Variants in RPL35 observed in about 807,000 individuals in gnomAD.
The protein encoded by RPL35 is large ribosomal subunit protein uL29.
A neutral mutation model predicts 15.6 loss-of-function variants in RPL35; 2 were observed. That is an observed-to-expected ratio of 0.13 (90% CI 0.05 to 0.40). The LOEUF is 0.40. Ranked by LOEUF, RPL35 falls within the 10% of genes least tolerant of loss-of-function variation. The probability of loss-of-function intolerance (pLI) is 0.99; values close to 1 mark genes in which losing one functional copy is unlikely to be tolerated. For missense variants in RPL35, 111 were observed against 164.7 expected, an observed-to-expected ratio of 0.67 and a Z score of 1.79; for synonymous variants, 93 against 67.9, an observed-to-expected ratio of 1.37 and a Z score of -1.82.
intron 3 of RPL35, among the ~76,000 whole-genome samples, chr9:124,859,205 C>T (rs1179728102): frequency 6.6e-6 from 1 of 152,234 alleles, no homozygotes; most frequent in Non-Finnish European, 1.5e-5. Context: ...TGAGGCCTCA[C>T]TATGTTGCCC....
chr9:124,860,331 A>G, intron 2 of RPL35, 67 bp from the exon 3 acceptor site: 1 of 1,308,576 alleles, frequency 7.6e-7, no homozygotes, highest in Non-Finnish European at 1.1e-6. Context: ...CAGGACTCAC[A>G]CATAGGGCAG....
rs752045826 is a variant in RPL35 at position 124,861,957 on chromosome 9, G to A, written c.-45C>T. 58 of 1,587,978 alleles carry A rather than the reference G, an allele frequency of 3.7e-5. No individual in the cohort carries two copies. The highest frequency in any genetic ancestry group is 4.6e-5 in the Non-Finnish European group (54 of 1,168,244). On this transcript the variant is annotated 5_prime_UTR_variant, in exon 1 of 4. Coordinates refer to ENST00000348462, the MANE Select transcript of RPL35 (RefSeq NM_007209.4). ...GCCGCCGCCCGCTCCGAGGGAAAGAGGAAGTAGGCGGGGCTGACCTCCGCA... is the reference window on the plus strand; with the variant it reads ...GCCGCCGCCCGCTCCGAGGGAAAGAAGAAGTAGGCGGGGCTGACCTCCGCA...
chr9:124,858,709 G>C (rs1052316163), intron 3 of RPL35, among the ~76,000 whole-genome samples: 3 of 152,240 alleles, frequency 2.0e-5, no homozygotes, highest in African/African-American at 7.2e-5. Flanking sequence ...GACCATGGCA[G>C]CTCTCACTGG....
chr9:124,860,588 A>G (rs1829181856), intron 2 of RPL35, among the ~76,000 whole-genome samples: 1 of 152,252 alleles, frequency 6.6e-6, no homozygotes, highest in South Asian at 2.1e-4. Context: ...TCATGCCACA[A>G]ACCAGGCAAT....
rs376530777 is a variant in RPL35 at position 124,860,119 on chromosome 9, C to T, written c.222+64G>A. On this transcript the variant is annotated intron_variant, in intron 3 of 3. Coordinates refer to ENST00000348462, the MANE Select transcript of RPL35 (RefSeq NM_007209.4). ...AAGAAAAACCTCTTTACCATGTCCC[C>T]GGCCAGGGACGGCTAGCACTTGGCT... 599 of 1,223,966 alleles carry T rather than the reference C, an allele frequency of 4.9e-4. 6 individuals carry two copies. In the African/African-American group the frequency reaches 5.4e-3, roughly 11 times the overall value. 75.8% of individuals were successfully genotyped at this position (1,223,966 alleles called of 1,614,324 possible).
chr9:124,861,824 T>C (rs1196175816), intron 1 of RPL35, 86 bp downstream of exon 1: 3 of 1,541,364 alleles, frequency 1.9e-6, no homozygotes, highest in East Asian at 2.4e-5. Context: ...AGGTGGCAGA[T>C]AGAATCCGCG....
rs958208758 is a variant in RPL35, at chr9:124,861,439, C to T, written c.120G>A (p.Ala40=). The change falls in exon 2 of 4, where the codon GCG becomes GCA. Residue 40 remains alanine, a synonymous_variant. Transcript: ENST00000348462. ...QLRVAKVTGG[A]ASKLSKIRVV... The stretch of plus-strand genomic sequence containing the variant: ...CTTACATCTTAGAGAGCTTGGAGGC[C>T]GCACCGCCTGTCACTTTGGCGACGC... 7 of 1,613,288 alleles carry T rather than the reference C, an allele frequency of 4.3e-6. No homozygotes were observed. In the South Asian group the frequency reaches 5.5e-5, roughly 13 times the overall value.
rs549088014 is a variant in RPL35, at chr9:124,858,966, T to C, written c.223-899A>G. On this transcript the variant is annotated intron_variant, in intron 3 of 3. Coordinates refer to ENST00000348462, the MANE Select transcript of RPL35 (RefSeq NM_007209.4). ...AATGAGGGCCAGCCCTGGAGGGTACTTGGAAGCAGGAAAGTCTTTGTCCTC... is the reference window on the plus strand; with the variant it reads ...AATGAGGGCCAGCCCTGGAGGGTACCTGGAAGCAGGAAAGTCTTTGTCCTC... 4.2e-4 allele frequency among the ~76,000 whole-genome samples: 64 copies of C among 152,314 alleles called. 1 individual carries two copies. Among genetic ancestry groups the C allele is most frequent in the South Asian group, 3.5e-3 (17 of 4,828 alleles).
At position 124,861,917 on chromosome 9, in the gene RPL35, G is replaced by A. The variant is rs371450568; in HGVS notation, c.-5C>T. ...CGATTCCGCAGCTCTCACCATTGCT[G>A]CACAAGCCGCCAACGCCGCCGCCCG... On this transcript the variant is annotated 5_prime_UTR_variant, in exon 1 of 4. Transcript: ENST00000348462. The A allele has an allele frequency of 2.8e-4, 448 of 1,597,510 alleles. 1 individual carries two copies. The African/African-American group carries it at 5.5e-3, about 20-fold the overall frequency.
intron 2 of RPL35, 164 bp downstream of exon 2, chr9:124,861,255 G>C: frequency 2.4e-6 from 2 of 848,662 alleles, no homozygotes; most frequent in Non-Finnish European, 3.7e-6. Flanking sequence ...CAAGGTCAAG[G>C]CAGGTAAGAG....
chr9:124,859,022 G>A lies in RPL35; in HGVS notation c.223-955C>T, dbSNP rs1037694909. Among the ~76,000 whole-genome samples the A allele has an allele frequency of 1.3e-5, 2 of 152,220 alleles. 1 individual carries two copies. Among genetic ancestry groups the A allele is most frequent in the South Asian group, 4.1e-4 (2 of 4,834 alleles). On this transcript the variant is annotated intron_variant, in intron 3 of 3. Transcript: ENST00000348462. The stretch of plus-strand genomic sequence containing the variant: ...TCCCTCACTCCTGCTGGCATCGGCT[G>A]GGCATTCGTCCTTTTCACATTGGCT...
Position 124,861,282 on chromosome 9 carries a change from G to A in RPL35, c.140+137C>T, listed in dbSNP as rs1829192785. On this transcript the variant is annotated intron_variant, in intron 2 of 3. Coordinates refer to ENST00000348462, the MANE Select transcript of RPL35 (RefSeq NM_007209.4). ...AGGTAAGAGGCTAAGCACACAACGG[G>A]TCTCCCATGCGCGCCAGGATGCACG... 2.8e-6 allele frequency: 3 copies of A among 1,087,924 alleles called. No individual in the cohort carries two copies. In the South Asian group the frequency reaches 4.5e-5, roughly 16 times the overall value. The allele number at this position is 1,087,924 out of a possible 1,614,324, so 67.4% of individuals were successfully genotyped here. A position where few individuals can be genotyped will look rare whatever the true frequency, so the allele number is the denominator to read the frequency against.
intron 3 of RPL35, 79 bp from the exon 4 acceptor site, chr9:124,858,146 C>T: frequency 6.9e-7 from 1 of 1,452,066 alleles, no homozygotes; most frequent in Non-Finnish European, 9.4e-7. Flanking sequence ...CTGGGGAGGG[C>T]CATCCAGAGC....
chr9:124,857,932 C>T lies in RPL35; in HGVS notation c.358G>A (p.Ala120Thr), dbSNP rs1250548104. 4.3e-6 allele frequency: 7 copies of T among 1,612,242 alleles called. No individual in the cohort carries two copies. The highest frequency in any genetic ancestry group is 2.3e-4 in the Middle Eastern group (1 of 4,436). The stretch of plus-strand genomic sequence containing the variant: ...CAATGCGCCCCTCAGGCCTTGACCG[C>T]GTACTTCCGCAGCGGGTACAGCCGC... ...KERLYPLRKY[A>T]VKA Residue 120 changes from alanine (A) to threonine (T), a missense_variant, in exon 4 of 4, where the codon GCG (alanine) becomes ACG (threonine). Transcript: ENST00000348462.
chr9:124,858,114 G>A (rs1161461710), intron 3 of RPL35, 47 bp from the exon 4 acceptor site: 15 of 1,590,260 alleles, frequency 9.4e-6, no homozygotes, highest in African/African-American at 1.3e-5. Context: ...GGGCTGAGGA[G>A]CTACTGCAGC....
In RPL35 at chr9:124,860,249, T is replaced by C. The variant is rs778819752; in HGVS notation, c.156A>G (p.Lys52=). 6.2e-7 allele frequency: 1 copy of C among 1,614,076 alleles called. No individual in the cohort carries two copies. Among genetic ancestry groups the C allele is most frequent in the South Asian group, 1.1e-5 (1 of 91,086 alleles). The change falls in exon 3 of 4, where the codon AAA becomes AAG. Residue 52 remains lysine (K), a synonymous_variant. Transcript: ENST00000348462. ...TAACTGTGAGAACACGGGCAATGGA[T>C]TTCCGGACGACTCGGCTACAAAACA... ...SKLSKIRVVR[K]SIARVLTVIN...
chr9:124,861,529 G>A lies in RPL35; in HGVS notation c.30C>T (p.Arg10=), dbSNP rs560383159. The stretch of plus-strand genomic sequence containing the variant: ...TCAGCAGCTCCTCCTTCTTCTTCCC[G>A]CGAAGATCTCGAGCCTTGATCTTGG... MAKIKARDL[R]GKKKEELLKQ... Residue 10 remains arginine (R), a synonymous_variant, in exon 2 of 4, where the codon CGC becomes CGT. Coordinates refer to ENST00000348462, the MANE Select transcript of RPL35 (RefSeq NM_007209.4). 6.8e-6 allele frequency: 11 copies of A among 1,613,948 alleles called. No individual in the cohort carries two copies. Among genetic ancestry groups the A allele is most frequent in the Non-Finnish European group, 9.3e-6 (11 of 1,179,988 alleles).
intron 1 of RPL35, 156 bp downstream of exon 1, chr9:124,861,754 C>G (rs1314407298): frequency 3.0e-6 from 4 of 1,343,346 alleles, no homozygotes; most frequent in Non-Finnish European, 4.0e-6. Context: ...TCTCCCGGCG[C>G]CAAGCGAAGA....
chr9:124,858,632 G>A (rs979486549), intron 3 of RPL35: 2 of 646,486 alleles, frequency 3.1e-6, no homozygotes, highest in African/African-American at 1.8e-5. Flanking sequence ...CTGTCACAGA[G>A]CCATCATCTG....
Sources: allele counts gnomAD v4.1 joint callset (sites outside exome capture counted in the v4.1 genomes callset), GRCh38; gene constraint gnomAD v4.1.1; transcripts MANE v1.5; gene names NCBI Gene and HGNC (gene_info 2026-07-23, HGNC 2026-07-21).